Variants in EXOC4 observed in about 807,000 individuals in gnomAD.
The protein encoded by EXOC4 is exocyst complex component 4.
In EXOC4, 71 loss-of-function variants were observed where a neutral mutation model predicts 107.2. That is an observed-to-expected ratio of 0.66 (90% CI 0.55 to 0.81). The LOEUF is 0.81. Among genes scored for constraint, EXOC4 ranks in the 30% least tolerant of loss-of-function variants. The pLI is 0.00. For synonymous variants in EXOC4, 456 were observed against 441.2 expected (o/e 1.03, Z -0.42); for missense variants, 1,108 against 1,189.6 (o/e 0.93, Z 1.01).
chr7:133,262,384 TA>T (rs1562992965), intron 1 of EXOC4, among the ~76,000 whole-genome samples: 1 of 151,900 alleles, frequency 6.6e-6, no homozygotes, highest in Non-Finnish European at 1.5e-5. Context: ...TTTTATGTGC[TA>T]GGGGTTTAGC....
intron 13 of EXOC4, among the ~76,000 whole-genome samples, chr7:133,928,848 A>G (rs111980281): frequency 1.1e-3 from 164 of 151,946 alleles, no homozygotes; most frequent in African/African-American, 3.9e-3. Flanking sequence ...AATTAACATC[A>G]ACAAGTAGCC....
intron 15 of EXOC4, among the ~76,000 whole-genome samples, 173 bp downstream of exon 15, chr7:133,997,806 G>A (rs1406280888): frequency 6.6e-6 from 1 of 152,156 alleles, no homozygotes; most frequent in Non-Finnish European, 1.5e-5. Flanking sequence ...AGCGCACAGT[G>A]TATTGTGAGT....
At chr7:133,597,592 C>G (rs905164079) in intron 9 of EXOC4, among the ~76,000 whole-genome samples, 11 of 150,140 alleles carry the variant, frequency 7.3e-5, no homozygotes, top group Admixed American at 2.0e-4. Context: ...AAAAAAACCC[C>G]GAATCCTTGG....
intron 9 of EXOC4, among the ~76,000 whole-genome samples, chr7:133,597,554 C>CAAAAAAAAAAAAAAAAAAAACAAAAAA (rs1801706902): frequency 1.0e-5 from 1 of 96,076 alleles, no homozygotes; most frequent in Non-Finnish European, 2.0e-5. Context: ...AACTCTGTTT[C>CAAAAAAAAAAAAAAAAAAAACAAAAAA]AAAAAAAAAA....
At chr7:133,795,237 C>G (rs1299321078) in intron 10 of EXOC4, among the ~76,000 whole-genome samples, 1 of 152,118 alleles carries the variant, frequency 6.6e-6, no homozygotes, top group Admixed American at 6.5e-5. Context: ...ATATAATCCT[C>G]ATTAAAGGGC....
At chr7:134,060,375 T>C (rs968826626) in intron 17 of EXOC4, among the ~76,000 whole-genome samples, 1 of 152,186 alleles carries the variant, frequency 6.6e-6, no homozygotes, top group African/African-American at 2.4e-5. Flanking sequence ...TGCTGAATAT[T>C]GTAGGCTATG....
At chr7:133,818,827 C>T (rs974811026) in intron 11 of EXOC4, among the ~76,000 whole-genome samples, 1 of 152,132 alleles carries the variant, frequency 6.6e-6, no homozygotes, top group Admixed American at 6.5e-5. Flanking sequence ...TCCATTCTCC[C>T]ATTTTTCCTT....
chr7:133,254,934 G>C (rs1794980482), intron 1 of EXOC4, among the ~76,000 whole-genome samples: 1 of 152,128 alleles, frequency 6.6e-6, no homozygotes, highest in Non-Finnish European at 1.5e-5. Context: ...TTTGAAAACA[G>C]CATGAAAGCC....
intron 9 of EXOC4, among the ~76,000 whole-genome samples, chr7:133,532,490 A>T (rs1386336452): frequency 6.6e-6 from 1 of 152,078 alleles, no homozygotes; most frequent in Non-Finnish European, 1.5e-5. Flanking sequence ...CCTGGGTGCC[A>T]AGTGGTTTTT....
chr7:133,794,208 G>C (rs574638941), intron 10 of EXOC4, among the ~76,000 whole-genome samples: 10 of 152,136 alleles, frequency 6.6e-5, no homozygotes, highest in Non-Finnish European at 1.5e-4. Flanking sequence ...GATGCTTCTC[G>C]TGTTCTTTAT....
At chr7:133,748,582 G>T (rs1181829981) in intron 10 of EXOC4, among the ~76,000 whole-genome samples, 19 of 152,160 alleles carry the variant, frequency 1.2e-4, no homozygotes, top group Admixed American at 1.2e-3. Flanking sequence ...TTACAGTGAG[G>T]TAGTAAGGTT....
chr7:133,329,919 G>A (rs1795340809), intron 5 of EXOC4, among the ~76,000 whole-genome samples: 1 of 152,136 alleles, frequency 6.6e-6, no homozygotes, highest in African/African-American at 2.4e-5. Flanking sequence ...CCCACTTGAG[G>A]CAATCTGACC....
At chr7:133,672,469 T>C (rs1182111086) in intron 10 of EXOC4, among the ~76,000 whole-genome samples, 1 of 151,726 alleles carries the variant, frequency 6.6e-6, no homozygotes, top group Non-Finnish European at 1.5e-5. Context: ...AACGTTTAAA[T>C]AGTCATATGT....
At chr7:133,876,104 T>A (rs1008447781) in intron 11 of EXOC4, among the ~76,000 whole-genome samples, 2 of 152,158 alleles carry the variant, frequency 1.3e-5, no homozygotes, top group Non-Finnish European at 2.9e-5. Context: ...CATCTATATT[T>A]GTGGCTTTTC....
intron 16 of EXOC4, 126 bp downstream of exon 16, chr7:134,005,216 T>A: frequency 1.1e-6 from 1 of 935,254 alleles, no homozygotes; most frequent in Non-Finnish European, 1.6e-6. Context: ...TTGTTTGAAC[T>A]AAATCTGCAA....
At chr7:133,867,434 C>G (rs1235581243) in intron 11 of EXOC4, among the ~76,000 whole-genome samples, 2 of 152,176 alleles carry the variant, frequency 1.3e-5, no homozygotes, top group African/African-American at 4.8e-5. Context: ...ACCTCTTACC[C>G]CTTCCCATTG....
rs1435016888 is a variant in EXOC4, at chr7:133,356,431, C to T, written c.865C>T (p.Leu289=). Residue 289 remains leucine, a synonymous_variant, in exon 6 of 18, where the codon CTG becomes TTG. Coordinates refer to ENST00000253861, the MANE Select transcript of EXOC4 (RefSeq NM_021807.4). ...MGILIKGLAK[L]KKIPETVKAI... ...TATCCTCATTAAGGGCTTGGCGAAA[C>T]TGAAGAAGATCCCAGAAACAGTTAA... 1.2e-6 allele frequency: 2 copies of T among 1,614,084 alleles called. No homozygotes were observed. Among genetic ancestry groups the T allele is most frequent in the Admixed American group, 1.7e-5 (1 of 59,994 alleles).
downstream of EXOC4, among the ~76,000 whole-genome samples, chr7:134,069,296 C>T (rs1642080922): frequency 2.0e-5 from 1 of 51,240 alleles, no homozygotes; most frequent in Non-Finnish European, 3.1e-5. Context: ...CCCCCTCATT[C>T]TCCTCCTCCT....
chr7:134,057,047 C>G (rs764262414), intron 17 of EXOC4, among the ~76,000 whole-genome samples: 6 of 152,158 alleles, frequency 3.9e-5, no homozygotes, highest in Non-Finnish European at 7.4e-5. Context: ...ACCCCCACCC[C>G]CGCAGTACTG....
Sources: gnomAD v4.1 joint callset for allele counts (sites outside exome capture counted in the v4.1 genomes callset) on GRCh38, gnomAD v4.1.1 for gene constraint, MANE v1.5 for transcripts, NCBI Gene and HGNC (gene_info 2026-07-23, HGNC 2026-07-21) for gene names.